Variants in MAP4K3 observed in about 807,000 individuals in gnomAD.
The protein encoded by MAP4K3 is MAPK/ERK kinase kinase kinase 3.
MAP4K3 carries 94 observed loss-of-function variants against 143.5 expected under a neutral mutation model. The ratio of observed to expected loss-of-function variants is 0.65; its 90% CI spans 0.55 to 0.78. The LOEUF is 0.78. MAP4K3 is among the 30% of genes least tolerant of loss of function. The pLI is 0.00. For synonymous variants in MAP4K3, 416 were observed against 347.2 expected (o/e 1.20, Z -2.20); for missense variants, 1,077 against 1,068.1 (o/e 1.01, Z -0.12).
chr2:39,389,671 A>G (rs1277542456), intron 1 of MAP4K3, among the ~76,000 whole-genome samples: 1 of 152,222 alleles, frequency 6.6e-6, no homozygotes, highest in African/African-American at 2.4e-5. Context: ...TTATATTCTC[A>G]GGTAAAACAT....
chr2:39,275,117 G>A (rs1218448859), intron 24 of MAP4K3, among the ~76,000 whole-genome samples: 1 of 152,202 alleles, frequency 6.6e-6, no homozygotes, highest in Non-Finnish European at 1.5e-5. Flanking sequence ...CTCTAGTAAT[G>A]TAATTCAAAT....
At chr2:39,416,808 T>G (rs182461574) in intron 1 of MAP4K3, among the ~76,000 whole-genome samples, 1 of 152,234 alleles carries the variant, frequency 6.6e-6, no homozygotes, top group Non-Finnish European at 1.5e-5. Flanking sequence ...CACACATCTA[T>G]TTTTGGCAGT....
chr2:39,349,725 AGAG>A (rs1246768517), intron 3 of MAP4K3, among the ~76,000 whole-genome samples: 2 of 151,802 alleles, frequency 1.3e-5, no homozygotes, highest in East Asian at 1.9e-4. Flanking sequence ...AAGCGAAAAA[AGAG>A]GAGAAGGGGG....
chr2:39,348,835 G>C (rs904812602), intron 3 of MAP4K3, among the ~76,000 whole-genome samples: 8 of 152,156 alleles, frequency 5.3e-5, no homozygotes, highest in East Asian at 3.9e-4. Flanking sequence ...CTATTTTATG[G>C]TTCTGAAATT....
At chr2:39,393,665 G>A (rs903159639) in intron 1 of MAP4K3, among the ~76,000 whole-genome samples, 4 of 152,106 alleles carry the variant, frequency 2.6e-5, no homozygotes, top group East Asian at 3.9e-4. Flanking sequence ...TGGGGTGAAT[G>A]AACCAATTTC....
chr2:39,333,523 T>C lies in MAP4K3; in HGVS notation c.457+9A>G, dbSNP rs1683750202. 2 of 1,601,748 alleles carry C rather than the reference T, an allele frequency of 1.2e-6. No individual in the cohort carries two copies. Among genetic ancestry groups the C allele is most frequent in the African/African-American group, 1.3e-5 (1 of 74,594 alleles). ...ATTTGTGCACGTGACAAAATTCCAA[T>C]TTACTTACCCAATTTCACATGACCA... On this transcript the variant is annotated intron_variant, in intron 7 of 33. Coordinates refer to ENST00000263881, the MANE Select transcript of MAP4K3 (RefSeq NM_003618.4).
At chr2:39,291,668 T>G (rs980881316) in intron 18 of MAP4K3, among the ~76,000 whole-genome samples, 1 of 152,122 alleles carries the variant, frequency 6.6e-6, no homozygotes, top group Admixed American at 6.6e-5. Context: ...AGCAGATTGC[T>G]TGAGCTCAGG....
At chr2:39,333,440 G>C in intron 7 of MAP4K3, 92 bp downstream of exon 7, 1 of 939,572 alleles carries the variant, frequency 1.1e-6, no homozygotes, top group Non-Finnish European at 1.7e-6. Flanking sequence ...GCCGTCTTAG[G>C]AGAGGGAAAA....
At position 39,322,004 on chromosome 2, in the gene MAP4K3, C is replaced by T. The variant is rs1043989748; in HGVS notation, c.918+3514G>A. ...CTGGCGGGATCCTCCATATGTTGAA[C>T]GCTGGTCCCCTGGGTCCCCTTATTT... On this transcript the variant is annotated intron_variant, in intron 12 of 33. Coordinates refer to ENST00000263881, the MANE Select transcript of MAP4K3 (RefSeq NM_003618.4). Among the ~76,000 whole-genome samples the T allele has an allele frequency of 2.6e-5, 4 of 151,912 alleles. No homozygotes were observed. In the South Asian group the frequency reaches 6.2e-4, roughly 24 times the overall value.
chr2:39,302,010 G>T (rs910023649), intron 15 of MAP4K3, among the ~76,000 whole-genome samples: 3 of 151,750 alleles, frequency 2.0e-5, no homozygotes, highest in Admixed American at 2.0e-4. Context: ...GCGACAGAGA[G>T]AGACTCTGTC....
intron 1 of MAP4K3, among the ~76,000 whole-genome samples, chr2:39,414,645 G>A (rs1050668059): frequency 3.9e-5 from 6 of 152,180 alleles, no homozygotes; most frequent in Non-Finnish European, 7.3e-5. Flanking sequence ...GGAGGCCCAG[G>A]TGGGCGGATC....
chr2:39,305,538 G>A (rs1682671536), intron 15 of MAP4K3, among the ~76,000 whole-genome samples: 1 of 152,194 alleles, frequency 6.6e-6, no homozygotes, highest in Non-Finnish European at 1.5e-5. Context: ...CTAGATAAAT[G>A]TTAGCTTTTG....
At chr2:39,277,989 A>C (rs1423630538) in intron 24 of MAP4K3, among the ~76,000 whole-genome samples, 1 of 150,900 alleles carries the variant, frequency 6.6e-6, no homozygotes, top group Non-Finnish European at 1.5e-5. Context: ...TCTACTAAAA[A>C]CACAAAAATT....
At chr2:39,337,451 C>T in intron 5 of MAP4K3, 75 bp downstream of exon 5, 1 of 1,024,842 alleles carries the variant, frequency 9.8e-7, no homozygotes, top group Non-Finnish European at 1.5e-6. Flanking sequence ...TCTTACTTTG[C>T]TGAACAGGTA....
chr2:39,290,421 A>T, intron 18 of MAP4K3, 87 bp from the exon 19 acceptor site: 1 of 793,258 alleles, frequency 1.3e-6, no homozygotes, highest in Non-Finnish European at 2.0e-6. Flanking sequence ...AAGACACATA[A>T]AAAAGCTGCA....
chr2:39,417,035 T>C (rs1333520669), intron 1 of MAP4K3, among the ~76,000 whole-genome samples: 2 of 152,180 alleles, frequency 1.3e-5, no homozygotes. Context: ...GCTTAGCACA[T>C]AGTAAGTGGT....
At chr2:39,327,028 T>C (rs930075797) in intron 8 of MAP4K3, among the ~76,000 whole-genome samples, 24 of 152,184 alleles carry the variant, frequency 1.6e-4, no homozygotes, top group African/African-American at 5.6e-4. Context: ...TTCCTTATAC[T>C]AGTTACTAAA....
rs57058905 is a variant in MAP4K3, at chr2:39,290,084, C to CAAA, written c.1314+205_1314+207dup. On this transcript the variant is annotated intron_variant, in intron 19 of 33. Transcript: ENST00000263881. ...CCTGGGTGACAGAGTGAGACTGTCT[C>CAAA]AAAAAAAAAAAAAAAAAAAAAAAGA... Among the ~76,000 whole-genome samples, 38 of 111,942 alleles carry CAAA rather than the reference C, an allele frequency of 3.4e-4. 1 individual carries two copies. Among genetic ancestry groups the CAAA allele is most frequent in the African/African-American group, 1.4e-3 (38 of 26,574 alleles). 73.4% of individuals were successfully genotyped at this position (111,942 alleles called of 152,430 possible). A position where few individuals can be genotyped will look rare whatever the true frequency, so the allele number is the denominator to read the frequency against.
At chr2:39,430,446 A>G (rs1345046029) in intron 1 of MAP4K3, among the ~76,000 whole-genome samples, 1 of 152,192 alleles carries the variant, frequency 6.6e-6, no homozygotes, top group Non-Finnish European at 1.5e-5. Context: ...GGCATCTTCC[A>G]GAACAAAAAA....
Sources: gnomAD v4.1 joint callset for allele counts (sites outside exome capture counted in the v4.1 genomes callset) on GRCh38, gnomAD v4.1.1 for gene constraint, MANE v1.5 for transcripts, NCBI Gene and HGNC (gene_info 2026-07-23, HGNC 2026-07-21) for gene names.